The following TMEM170B variants were observed in gnomAD, a reference collection of about 807,000 sequenced individuals.
TMEM170B encodes the protein transmembrane protein 170B.
TMEM170B carries 6 observed loss-of-function variants against 13.0 expected under a neutral mutation model. The ratio of observed to expected loss-of-function variants is 0.46; its 90% confidence interval spans 0.25 to 0.91. The LOEUF (loss-of-function observed/expected upper bound fraction) is 0.91. TMEM170B is among the 40% of genes least tolerant of loss of function. The pLI is 0.17. For missense variants in TMEM170B, 138 were observed against 165.2 expected (o/e 0.84, Z 0.90); for synonymous variants, 61 against 64.9 (o/e 0.94, Z 0.29).
At chr6:11,546,632 T>C (rs895371321) in intron 1 of TMEM170B, among the ~76,000 whole-genome samples, 1 of 152,206 alleles carries the variant, frequency 6.6e-6, no homozygotes, top group Non-Finnish European at 1.5e-5. Context: ...TACTGAACTT[T>C]TTTATGTTTA....
rs992688827 is a variant in TMEM170B, at chr6:11,575,793, T to C, written c.*232T>C. The C allele has an allele frequency of 7.7e-5, 28 of 364,690 alleles. No homozygotes were observed. The highest frequency in any genetic ancestry group is 5.1e-4 in the African/African-American group (25 of 48,598). 22.6% of individuals were successfully genotyped at this position (364,690 alleles called of 1,614,324 possible). ...TCAGGCAAGGTGCATTAAGACACTA[T>C]GTAAAGTTACAAGAAAAAGCACCTT... is the stretch of plus-strand genomic sequence containing the variant. On this transcript the variant is annotated 3_prime_UTR_variant, in exon 3 of 3. Coordinates refer to ENST00000379426, the MANE Select transcript of TMEM170B (RefSeq NM_001100829.3). The surrounding 1 kb of genome is among the most constrained non-coding windows in gnomAD (Gnocchi z 4.1).
At chr6:11,546,012 T>TA (rs35584418) in intron 1 of TMEM170B, among the ~76,000 whole-genome samples, 58,360 of 94,630 alleles carry the variant, frequency 0.62, 19,673 homozygotes, top group Non-Finnish European at 0.74. Flanking sequence ...ACTCCGTCTT[T>TA]AAAAAAAAAA....
chr6:11,555,173 G>GT (rs983215565), intron 1 of TMEM170B, among the ~76,000 whole-genome samples: 35 of 151,018 alleles, frequency 2.3e-4, no homozygotes, highest in Non-Finnish European at 3.7e-4. Flanking sequence ...TGTCTTTATA[G>GT]TTTTTTTTTC....
intron 1 of TMEM170B, among the ~76,000 whole-genome samples, chr6:11,548,227 A>C (rs1026075585): frequency 1.3e-5 from 2 of 152,252 alleles, no homozygotes; most frequent in African/African-American, 4.8e-5. Context: ...GACCTTAAAC[A>C]AATTTACAAG....
intron 2 of TMEM170B, among the ~76,000 whole-genome samples, chr6:11,566,798 C>T (rs1048469621): frequency 6.6e-6 from 1 of 152,214 alleles, no homozygotes; most frequent in Non-Finnish European, 1.5e-5. Flanking sequence ...TGCGCGGTGT[C>T]CTCTTTACAC....
Position 11,575,650 on chromosome 6 carries a change from G to A in TMEM170B, c.*89G>A. Reference sequence around the variant, plus strand: ...ATTGTTAACAAGTGGAAATGAAATTGTGCAAGAATGTGGACTGAGCAGGTC... The same window carrying A: ...ATTGTTAACAAGTGGAAATGAAATTATGCAAGAATGTGGACTGAGCAGGTC... On this transcript the variant is annotated 3_prime_UTR_variant, in exon 3 of 3. Coordinates refer to ENST00000379426, the MANE Select transcript of TMEM170B (RefSeq NM_001100829.3). The surrounding 1 kb of genome is among the most constrained non-coding windows in gnomAD (Gnocchi z 4.1). The A allele has an allele frequency of 4.7e-6, 7 of 1,502,370 alleles. No homozygotes were observed. In the South Asian group the frequency reaches 8.1e-5, roughly 17 times the overall value. 93.1% of individuals were successfully genotyped at this position (1,502,370 alleles called of 1,614,324 possible).
intron 1 of TMEM170B, among the ~76,000 whole-genome samples, chr6:11,560,667 TA>T (rs1385437908): frequency 1.9e-4 from 29 of 152,212 alleles, no homozygotes; most frequent in African/African-American, 6.5e-4. Flanking sequence ...CAGACCAGTT[TA>T]AAATAGTAAA....
chr6:11,541,271 G>C (rs1051405991), intron 1 of TMEM170B, among the ~76,000 whole-genome samples: 1 of 152,192 alleles, frequency 6.6e-6, no homozygotes, highest in Non-Finnish European at 1.5e-5. Context: ...ATATAAGGCT[G>C]TTTAATCTAC....
At chr6:11,545,280 C>CTGTGTGTGTGTGTGTGTG (rs1210551633) in intron 1 of TMEM170B, among the ~76,000 whole-genome samples, 9,211 of 139,552 alleles carry the variant, frequency 0.066, 480 homozygotes, top group South Asian at 0.19. Context: ...CTCTCTCTCT[C>CTGTGTGTGTGTGTGTGTG]TGTGTGTGTG....
At chr6:11,560,089 A>G (rs1464555205) in intron 1 of TMEM170B, among the ~76,000 whole-genome samples, 1 of 151,998 alleles carries the variant, frequency 6.6e-6, no homozygotes, top group Non-Finnish European at 1.5e-5. Context: ...CCCAGTATGC[A>G]GTAATTCTCA....
At chr6:11,555,746 C>A (rs185022099) in intron 1 of TMEM170B, among the ~76,000 whole-genome samples, 2 of 152,290 alleles carry the variant, frequency 1.3e-5, no homozygotes, top group East Asian at 3.9e-4. Context: ...GGTTATTCTA[C>A]AAACTGGGCC....
At chr6:11,552,744 C>T (rs1010509028) in intron 1 of TMEM170B, among the ~76,000 whole-genome samples, 8 of 152,130 alleles carry the variant, frequency 5.3e-5, no homozygotes, top group Non-Finnish European at 8.8e-5. Context: ...AAGGTTTTAG[C>T]ATTAAAATGA....
chr6:11,578,865 G>A lies in TMEM170B; in HGVS notation c.*3304G>A, dbSNP rs1452156608. 1 of 152,140 alleles carries A rather than the reference G, an allele frequency of 6.6e-6. No homozygotes were observed. Among genetic ancestry groups the A allele is most frequent in the African/African-American group, 2.4e-5 (1 of 41,430 alleles). The allele number at this position is 152,140 out of a possible 1,614,324, so 9.4% of individuals were successfully genotyped here. Reference sequence around the variant, plus strand: ...GAAATCACAGAATGTTGTGGGAAAGGTCTTTAAAGAACCTCTAATGAAGAA... The same window carrying A: ...GAAATCACAGAATGTTGTGGGAAAGATCTTTAAAGAACCTCTAATGAAGAA... On this transcript the variant is annotated 3_prime_UTR_variant, in exon 3 of 3. Transcript: ENST00000379426.
rs985261514 is a variant in TMEM170B, at chr6:11,583,119, C to G, written c.*7558C>G. On this transcript the variant is annotated 3_prime_UTR_variant, in exon 3 of 3. Coordinates refer to ENST00000379426, the MANE Select transcript of TMEM170B (RefSeq NM_001100829.3). ...TAATTGCAGTAAGCATCAGTTTAGC[C>G]TAGAGATGTTGATCTTTATTTTAAA... The G allele has an allele frequency of 2.6e-5, 4 of 152,136 alleles. No homozygotes were observed. Among genetic ancestry groups the G allele is most frequent in the Non-Finnish European group, 5.9e-5 (4 of 68,006 alleles). The allele number at this position is 152,136 out of a possible 1,614,324, so 9.4% of individuals were successfully genotyped here.
chr6:11,558,607 C>T (rs1233122247), intron 1 of TMEM170B, among the ~76,000 whole-genome samples: 3 of 152,166 alleles, frequency 2.0e-5, no homozygotes, highest in South Asian at 2.1e-4. Flanking sequence ...CCAAGTCCCA[C>T]CTCCCACTCC....
chr6:11,555,307 C>A (rs541750290), intron 1 of TMEM170B, among the ~76,000 whole-genome samples: 1 of 151,982 alleles, frequency 6.6e-6, no homozygotes, highest in South Asian at 2.1e-4. Context: ...CTCTGACTAC[C>A]CTCAGTATTT....
rs1371990287 is a variant in TMEM170B, at chr6:11,538,712, C to T, written c.97+338C>T. 2.0e-5 allele frequency among the ~76,000 whole-genome samples: 3 copies of T among 152,284 alleles called. No individual in the cohort carries two copies. The East Asian group carries it at 5.8e-4, about 29-fold the overall frequency. ...GCGCATTTCGCTTTTATTCCATTACCCTCCTCCCCTCCCCCTTCTACACAC... is the reference window on the plus strand; with the variant it reads ...GCGCATTTCGCTTTTATTCCATTACTCTCCTCCCCTCCCCCTTCTACACAC... On this transcript the variant is annotated intron_variant, in intron 1 of 2. Transcript: ENST00000379426.
chr6:11,538,190 C>A lies in TMEM170B; in HGVS notation c.-88C>A. On this transcript the variant is annotated 5_prime_UTR_variant, in exon 1 of 3. Transcript: ENST00000379426. ...CACCAGCGGCGGCGGCCTGGAGGAG[C>A]CGCGCACCCGCCGCCGCCCCCCGAG... 2 of 475,624 alleles carry A rather than the reference C, an allele frequency of 4.2e-6. No homozygotes were observed. The highest frequency in any genetic ancestry group is 5.8e-6 in the Non-Finnish European group (2 of 343,944). The allele number at this position is 475,624 out of a possible 1,614,324, so 29.5% of individuals were successfully genotyped here.
intron 1 of TMEM170B, among the ~76,000 whole-genome samples, chr6:11,551,605 T>G (rs894030137): frequency 2.6e-5 from 4 of 152,178 alleles, no homozygotes; most frequent in Non-Finnish European, 5.9e-5. Context: ...CTGATATTTC[T>G]TGATTATAAG....
Sources: allele counts gnomAD v4.1 joint callset (sites outside exome capture counted in the v4.1 genomes callset), GRCh38; gene constraint gnomAD v4.1.1; non-coding constraint Gnocchi (gnomAD v3.1); transcripts MANE v1.5; gene names NCBI Gene and HGNC (gene_info 2026-07-23, HGNC 2026-07-21).